The following RCSD1 variants were observed in gnomAD, a reference collection of about 807,000 sequenced individuals.
RCSD1 encodes the protein capZ-interacting protein.
A neutral mutation model predicts 42.5 loss-of-function variants in RCSD1; 26 were observed. That is an observed-to-expected ratio of 0.61 (90% CI 0.45 to 0.85). RCSD1 has a LOEUF of 0.85. Among genes scored for constraint, RCSD1 ranks in the 40% least tolerant of loss-of-function variants. RCSD1 has a pLI of 0.00. For missense variants in RCSD1, 571 were observed against 528.3 expected (o/e 1.08, Z -0.79); for synonymous variants, 220 against 212.2 (o/e 1.04, Z -0.32).
rs767023210 is a variant in RCSD1 at position 167,630,383 on chromosome 1, G to C, written c.-41G>C. ...GCGGGGATCGTGAGCTCCGGCCCGG[G>C]CGAGCGGGTGCGTCTGCCGCAGAGT... On this transcript the variant is annotated 5_prime_UTR_variant, in exon 1 of 7. Coordinates refer to ENST00000367854, the MANE Select transcript of RCSD1 (RefSeq NM_052862.4). The C allele has an allele frequency of 1.3e-6, 2 of 1,501,322 alleles. No homozygotes were observed. The highest frequency in any genetic ancestry group is 1.8e-6 in the Non-Finnish European group (2 of 1,119,902). 93.0% of individuals were successfully genotyped at this position (1,501,322 alleles called of 1,614,324 possible). A position where few individuals can be genotyped will look rare whatever the true frequency, so the allele number is the denominator to read the frequency against.
At chr1:167,687,534 AAAAAG>A (rs1340272376) in intron 3 of RCSD1, among the ~76,000 whole-genome samples, 1 of 151,956 alleles carries the variant, frequency 6.6e-6, no homozygotes, top group South Asian at 2.1e-4. Flanking sequence ...AAAAAAAAAA[AAAAAG>A]AAAAGAAATT....
chr1:167,645,301 C>G lies in RCSD1; in HGVS notation c.6+14872C>G, dbSNP rs78452262. Reference sequence around the variant, plus strand: ...ATAGGACAGACCTGGCTTGGAAATACGCATGCATTTGTTCCACAAATATTT... The same window carrying G: ...ATAGGACAGACCTGGCTTGGAAATAGGCATGCATTTGTTCCACAAATATTT... On this transcript the variant is annotated intron_variant, in intron 1 of 6. Coordinates refer to ENST00000367854, the MANE Select transcript of RCSD1 (RefSeq NM_052862.4). Among the ~76,000 whole-genome samples, 871 of 152,294 alleles carry G rather than the reference C, an allele frequency of 5.7e-3. 7 individuals are homozygous for G. The highest frequency in any genetic ancestry group is 0.021 in the African/African-American group (855 of 41,554).
intron 1 of RCSD1, among the ~76,000 whole-genome samples, chr1:167,653,203 C>G (rs1488480456): frequency 1.3e-5 from 2 of 152,208 alleles, no homozygotes; most frequent in Admixed American, 1.3e-4. Context: ...TCTTCCTAAA[C>G]TATAACTTTG....
chr1:167,682,952 C>G (rs1317603981), intron 1 of RCSD1, among the ~76,000 whole-genome samples: 3 of 152,164 alleles, frequency 2.0e-5, no homozygotes, highest in South Asian at 2.1e-4. Flanking sequence ...AAATCTTATT[C>G]AAACCAAGTG....
intron 1 of RCSD1, among the ~76,000 whole-genome samples, chr1:167,649,548 TA>T (rs1658251869): frequency 6.6e-6 from 1 of 152,190 alleles, no homozygotes; most frequent in African/African-American, 2.4e-5. Context: ...GGCAGAAAGT[TA>T]CATAACCAGA....
chr1:167,687,058 C>G (rs1659251126), intron 3 of RCSD1, among the ~76,000 whole-genome samples: 1 of 152,180 alleles, frequency 6.6e-6, no homozygotes, highest in Non-Finnish European at 1.5e-5. Flanking sequence ...TGTGGAAATG[C>G]ATTCACAGGT....
chr1:167,664,720 C>A (rs1658613691), intron 1 of RCSD1: 1 of 152,246 alleles, frequency 6.6e-6, no homozygotes, highest in African/African-American at 2.4e-5. Context: ...GCCTGGCCAA[C>A]ATGGCAAAAC....
At chr1:167,667,099 G>A (rs982869206) in intron 1 of RCSD1, among the ~76,000 whole-genome samples, 1 of 150,634 alleles carries the variant, frequency 6.6e-6, no homozygotes, top group Non-Finnish European at 1.5e-5. Context: ...GACTCCTTTT[G>A]GTCCCATTGT....
At chr1:167,678,677 C>T (rs376441026) in intron 1 of RCSD1, among the ~76,000 whole-genome samples, 2 of 152,144 alleles carry the variant, frequency 1.3e-5, no homozygotes, top group Non-Finnish European at 2.9e-5. Flanking sequence ...ACTCAGGTCA[C>T]GTCCCTCCTT....
chr1:167,686,060 A>G (rs770469121), intron 3 of RCSD1, among the ~76,000 whole-genome samples: 3 of 152,198 alleles, frequency 2.0e-5, no homozygotes, highest in Non-Finnish European at 2.9e-5. Flanking sequence ...CCAACATAAT[A>G]AAGGCTCTGG....
At chr1:167,669,372 C>T (rs761602128) in intron 1 of RCSD1, among the ~76,000 whole-genome samples, 2 of 152,242 alleles carry the variant, frequency 1.3e-5, no homozygotes, top group Non-Finnish European at 2.9e-5. Flanking sequence ...CAGGACAAGC[C>T]CTAGGCTGTA....
intron 1 of RCSD1, among the ~76,000 whole-genome samples, chr1:167,648,883 C>T (rs76192081): frequency 0.015 from 2,312 of 152,244 alleles, 59 homozygotes; most frequent in South Asian, 0.067. Flanking sequence ...ATCAGTCACT[C>T]GCTTGCTTAA....
At chr1:167,680,908 G>A (rs1357963629) in intron 1 of RCSD1, among the ~76,000 whole-genome samples, 2 of 152,244 alleles carry the variant, frequency 1.3e-5, no homozygotes, top group Admixed American at 6.5e-5. Context: ...GAAGTTCTCA[G>A]ACCTAACAGT....
intron 3 of RCSD1, among the ~76,000 whole-genome samples, chr1:167,687,767 C>T (rs1231320063): frequency 6.6e-6 from 1 of 152,198 alleles, no homozygotes; most frequent in Non-Finnish European, 1.5e-5. Context: ...TATGCTTGCT[C>T]AGGTCTGAGA....
At chr1:167,659,416 G>A (rs970699432) in intron 1 of RCSD1, among the ~76,000 whole-genome samples, 17 of 151,922 alleles carry the variant, frequency 1.1e-4, no homozygotes, top group African/African-American at 4.8e-5. Flanking sequence ...TTGTTTCCTG[G>A]GGTTTTAAAA....
At chr1:167,646,954 AC>A (rs1658164554) in intron 1 of RCSD1, among the ~76,000 whole-genome samples, 1 of 151,976 alleles carries the variant, frequency 6.6e-6, no homozygotes, top group Admixed American at 6.6e-5. Context: ...ACATGGTGAA[AC>A]CCCATCTCTA....
intron 1 of RCSD1, among the ~76,000 whole-genome samples, chr1:167,653,147 C>T (rs1045389405): frequency 1.3e-5 from 2 of 152,268 alleles, no homozygotes; most frequent in South Asian, 2.1e-4. Flanking sequence ...TGCAACGATA[C>T]CTTAGAGTTA....
Position 167,650,995 on chromosome 1 carries a change from C to T in RCSD1, c.6+20566C>T, listed in dbSNP as rs1033619916. ...ACGGAGGTGTCAGCAGTGCTGGCTCCCTCTGATGCCTCTCTCCATCTTCTC... is the reference window on the plus strand; with the variant it reads ...ACGGAGGTGTCAGCAGTGCTGGCTCTCTCTGATGCCTCTCTCCATCTTCTC... On this transcript the variant is annotated intron_variant, in intron 1 of 6. Transcript: ENST00000367854. Among the ~76,000 whole-genome samples, 6 of 152,274 alleles carry T rather than the reference C, an allele frequency of 3.9e-5. No homozygotes were observed. In the East Asian group the frequency reaches 1.2e-3, roughly 29 times the overall value.
At chr1:167,669,249 T>A (rs993904682) in intron 1 of RCSD1, among the ~76,000 whole-genome samples, 1 of 152,288 alleles carries the variant, frequency 6.6e-6, no homozygotes, top group Non-Finnish European at 1.5e-5. Flanking sequence ...AGTGACCATG[T>A]AAGACCATTG....
Sources: allele counts gnomAD v4.1 joint callset (sites outside exome capture counted in the v4.1 genomes callset), GRCh38; gene constraint gnomAD v4.1.1; transcripts MANE v1.5; gene names NCBI Gene and HGNC (gene_info 2026-07-23, HGNC 2026-07-21).